Variants in CTCF observed in about 807,000 individuals in gnomAD.
CTCF encodes transcriptional repressor CTCF.
Under a neutral mutation model 72.3 loss-of-function variants are expected in CTCF, and 7 were observed. The ratio of observed to expected loss-of-function variants is 0.10; its 90% confidence interval spans 0.06 to 0.18. The LOEUF (loss-of-function observed/expected upper bound fraction) is 0.18, where lower values mean the gene tolerates loss of function less well. CTCF is among the 10% of genes least tolerant of loss of function. The pLI is 1.00. For synonymous variants in CTCF, 374 were observed against 315.8 expected (o/e 1.18, Z -1.95); for missense variants, 516 against 949.1 (o/e 0.54, Z 6.00).
At chr16:67,579,838 G>A (rs1049152311) in intron 2 of CTCF, among the ~76,000 whole-genome samples, 2 of 152,196 alleles carry the variant, frequency 1.3e-5, no homozygotes, top group Non-Finnish European at 2.9e-5. Flanking sequence ...CAAAGGCCCA[G>A]AGGCAGGAAA....
intron 10 of CTCF, among the ~76,000 whole-genome samples, chr16:67,629,929 C>T (rs749184217): frequency 6.6e-6 from 1 of 151,024 alleles, no homozygotes; most frequent in African/African-American, 2.4e-5. Context: ...CGCCCACCAC[C>T]AGGCCTGGCT....
At chr16:67,583,961 C>G (rs142441924) in intron 2 of CTCF, among the ~76,000 whole-genome samples, 3 of 152,186 alleles carry the variant, frequency 2.0e-5, no homozygotes, top group African/African-American at 7.2e-5. Context: ...ATAGCGAAAA[C>G]TAGGTTTTGG....
intron 2 of CTCF, among the ~76,000 whole-genome samples, chr16:67,606,765 T>TG (rs888024680): frequency 1.3e-5 from 2 of 149,532 alleles, no homozygotes; most frequent in African/African-American, 4.9e-5. Flanking sequence ...GGTTTTTTTT[T>TG]TTTTTTTTTT....
At chr16:67,637,393 G>C (rs554724474) in intron 11 of CTCF, among the ~76,000 whole-genome samples, 1 of 152,132 alleles carries the variant, frequency 6.6e-6, no homozygotes, top group Non-Finnish European at 1.5e-5. Context: ...TTAGCCAGGC[G>C]TAGGGGTGGG....
At chr16:67,608,344 A>AT (rs2080512816) in intron 2 of CTCF, among the ~76,000 whole-genome samples, 1 of 152,118 alleles carries the variant, frequency 6.6e-6, no homozygotes, top group Non-Finnish European at 1.5e-5. Context: ...TTAAAAAAAA[A>AT]AAAACGACTT....
chr16:67,589,515 T>C (rs1168664471), intron 2 of CTCF, among the ~76,000 whole-genome samples: 1 of 152,166 alleles, frequency 6.6e-6, no homozygotes, highest in Non-Finnish European at 1.5e-5. Flanking sequence ...CTTCACCCAC[T>C]GAAGTCATCC....
chr16:67,592,974 C>T (rs1255662327), intron 2 of CTCF, among the ~76,000 whole-genome samples: 5 of 151,424 alleles, frequency 3.3e-5, no homozygotes, highest in African/African-American at 9.7e-5. Context: ...TGCAGTGAGC[C>T]GAGATCGCGC....
intron 2 of CTCF, among the ~76,000 whole-genome samples, chr16:67,606,803 A>AGGCTCCAGGCTGGAGTGCAGTGGCACTC (rs2051979881): frequency 7.6e-6 from 1 of 131,382 alleles, no homozygotes; most frequent in African/African-American, 3.0e-5. Flanking sequence ...CTTATCGCCC[A>AGGCTCCAGGCTGGAGTGCAGTGGCACTC]GGCTCCAGGC....
Position 67,616,833 on chromosome 16 carries a change from C to T in CTCF, c.1041C>T (p.His347=), listed in dbSNP as rs779754934. The T allele has an allele frequency of 8.1e-6, 13 of 1,613,970 alleles. No individual in the cohort carries two copies. Among genetic ancestry groups the T allele is most frequent in the African/African-American group, 4.0e-5 (3 of 74,902 alleles). Residue 347 remains histidine (H), a synonymous_variant, in exon 5 of 12, where the codon CAC becomes CAT. Coordinates refer to ENST00000264010, the MANE Select transcript of CTCF (RefSeq NM_006565.4). ...LVRHRRYKHT[H]EKPFKCSMCD... The stretch of plus-strand genomic sequence containing the variant: ...GGCATCGTCGTTACAAACACACCCA[C>T]GAGAAGCCATTCAAGTGTTCCATGT...
intron 11 of CTCF, 41 bp downstream of exon 11, chr16:67,636,892 C>T (rs536830125): frequency 2.1e-6 from 3 of 1,437,770 alleles, no homozygotes; most frequent in South Asian, 1.6e-5. Flanking sequence ...GCGTCTTCTC[C>T]GAGCATGTGG....
At chr16:67,629,983 A>T (rs963979944) in intron 10 of CTCF, among the ~76,000 whole-genome samples, 1 of 151,208 alleles carries the variant, frequency 6.6e-6, no homozygotes, top group African/African-American at 2.4e-5. Flanking sequence ...TCACCGTGTT[A>T]GCCAGAATGG....
chr16:67,625,041 C>T (rs1443191211), intron 7 of CTCF, among the ~76,000 whole-genome samples: 1 of 152,148 alleles, frequency 6.6e-6, no homozygotes, highest in Admixed American at 6.5e-5. Flanking sequence ...TCTCCTTCCT[C>T]ATTTTCCCGA....
intron 2 of CTCF, among the ~76,000 whole-genome samples, chr16:67,581,866 C>A (rs1283225370): frequency 6.6e-6 from 1 of 152,186 alleles, no homozygotes. Flanking sequence ...TGTTGATCCA[C>A]CTGCCTCAGC....
intron 5 of CTCF, among the ~76,000 whole-genome samples, chr16:67,618,939 G>T (rs1319446914): frequency 6.6e-6 from 1 of 152,168 alleles, no homozygotes; most frequent in Non-Finnish European, 1.5e-5. Context: ...ATAGAATGAG[G>T]GGCTTGTGCC....
chr16:67,615,629 A>G (rs1352371562), intron 4 of CTCF: 1 of 152,134 alleles, frequency 6.6e-6, no homozygotes, highest in African/African-American at 2.4e-5. Flanking sequence ...CAAAAAACGA[A>G]AAGAAAATTG....
At chr16:67,580,349 G>A (rs2051562429) in intron 2 of CTCF, among the ~76,000 whole-genome samples, 1 of 151,878 alleles carries the variant, frequency 6.6e-6, no homozygotes, top group Non-Finnish European at 1.5e-5. Flanking sequence ...AGCTAGGAGT[G>A]TAGGTGCGTA....
chr16:67,602,208 C>A (rs1221305593), intron 2 of CTCF, among the ~76,000 whole-genome samples: 1 of 152,088 alleles, frequency 6.6e-6, no homozygotes, highest in African/African-American at 2.4e-5. Flanking sequence ...AAATTCACAC[C>A]AGAGACCAGA....
At chr16:67,609,598 C>G (rs1219763916) in intron 2 of CTCF, among the ~76,000 whole-genome samples, 4 of 150,876 alleles carry the variant, frequency 2.7e-5, no homozygotes, top group African/African-American at 9.7e-5. Flanking sequence ...AGCCTCAGTG[C>G]TCTTGACATC....
intron 10 of CTCF, among the ~76,000 whole-genome samples, chr16:67,629,746 C>CTT (rs71145978): frequency 1.6e-5 from 1 of 63,364 alleles, no homozygotes; most frequent in African/African-American, 6.3e-5. Flanking sequence ...CATTAATGCC[C>CTT]TTTTTTTTTT....
Sources: allele counts gnomAD v4.1 joint callset (sites outside exome capture counted in the v4.1 genomes callset), GRCh38; gene constraint gnomAD v4.1.1; transcripts MANE v1.5; gene names NCBI Gene and HGNC (gene_info 2026-07-23, HGNC 2026-07-21).